ADGRE3: variants seen among roughly 807,000 people sequenced by gnomAD.
The protein encoded by ADGRE3 is adhesion G protein-coupled receptor E3, also known as EGF-like module receptor 3.
ADGRE3 carries 88 observed loss-of-function variants against 80.1 expected under a neutral mutation model. The ratio of observed to expected loss-of-function variants is 1.10; its 90% CI spans 0.93 to 1.31. The LOEUF (loss-of-function observed/expected upper bound fraction) is 1.31. Ranked by LOEUF, ADGRE3 falls within the 40% of genes most tolerant of loss-of-function variation. ADGRE3 has a pLI of 0.00. For missense variants in ADGRE3, 715 were observed against 776.5 expected (o/e 0.92, Z 0.94); for synonymous variants, 281 against 294.8 (o/e 0.95, Z 0.48).
intron 9 of ADGRE3, among the ~76,000 whole-genome samples, chr19:14,643,144 G>GTTTTTTTTTT (rs373306807): frequency 2.4e-5 from 3 of 124,066 alleles, no homozygotes; most frequent in African/African-American, 9.0e-5. Flanking sequence ...AGTAATCATG[G>GTTTTTTTTTT]TTTTTTTTTT....
chr19:14,601,645 G>A, the ADGRE3 span, among the ~76,000 whole-genome samples: 2 of 152,030 alleles, frequency 1.3e-5, no homozygotes, highest in African/African-American at 4.8e-5. Flanking sequence ...CAGGGACAAG[G>A]TCTCACTCTG....
At chr19:14,630,331 C>G in intron 13 of ADGRE3, 124 bp from the exon 14 acceptor site, 1 of 627,590 alleles carries the variant, frequency 1.6e-6, no homozygotes, top group Non-Finnish European at 2.4e-6. Context: ...TGGAAGCCAG[C>G]ACTGGCTACC....
Position 14,619,863 on chromosome 19 carries a change from C to A in ADGRE3, c.1921-392G>T, listed in dbSNP as rs1053072973. On this transcript the variant is annotated intron_variant, in intron 15 of 15. Coordinates refer to ENST00000253673, the MANE Select transcript of ADGRE3 (RefSeq NM_032571.5). ...CAACAAATGTTCTCTTTGCACCCCA[C>A]AACTTACAGCTTGGTTTAGCAGCCC... is the stretch of plus-strand genomic sequence containing the variant. Among the ~76,000 whole-genome samples the A allele has an allele frequency of 2.6e-5, 4 of 152,212 alleles. No individual in the cohort carries two copies. The South Asian group carries it at 8.3e-4, about 31-fold the overall frequency.
the ADGRE3 span, among the ~76,000 whole-genome samples, chr19:14,607,732 G>A: frequency 6.3e-4 from 95 of 151,230 alleles, 1 homozygote; most frequent in South Asian, 2.1e-4. Context: ...ACCCGCCGTC[G>A]TGCCTGGCTA....
the ADGRE3 span, among the ~76,000 whole-genome samples, chr19:14,604,030 C>A: frequency 6.6e-6 from 1 of 152,176 alleles, no homozygotes; most frequent in African/African-American, 2.4e-5. Flanking sequence ...CCTTTTGGGC[C>A]TGGAGGTCTT....
intron 6 of ADGRE3, among the ~76,000 whole-genome samples, chr19:14,654,761 C>T (rs1351076645): frequency 2.0e-5 from 3 of 152,072 alleles, no homozygotes; most frequent in Admixed American, 6.6e-5. Flanking sequence ...TTCCATCACC[C>T]CTAATAGTTT....
intron 10 of ADGRE3, among the ~76,000 whole-genome samples, chr19:14,639,092 G>GTGTT (rs1274184668): frequency 6.6e-6 from 1 of 151,960 alleles, no homozygotes; most frequent in African/African-American, 2.4e-5. Context: ...GGGTCTCACT[G>GTGTT]TGTTGCCCAG....
chr19:14,664,159 C>T (rs139214502), intron 2 of ADGRE3, among the ~76,000 whole-genome samples: 17 of 152,078 alleles, frequency 1.1e-4, no homozygotes, highest in East Asian at 3.9e-4. Flanking sequence ...AAAAATTAGC[C>T]GGGTGTGGTG....
At chr19:14,647,525 T>G (rs1228522725) in intron 7 of ADGRE3, among the ~76,000 whole-genome samples, 160 bp from the exon 8 acceptor site, 3 of 150,598 alleles carry the variant, frequency 2.0e-5, no homozygotes, top group African/African-American at 7.3e-5. Context: ...CAAGTGATTC[T>G]CCTGCCTCAG....
chr19:14,633,273 A>G lies in ADGRE3; in HGVS notation c.1514T>C (p.Met505Thr). 1 of 1,612,738 alleles carries G rather than the reference A, an allele frequency of 6.2e-7. No homozygotes were observed. Among genetic ancestry groups the G allele is most frequent in the Non-Finnish European group, 8.5e-7 (1 of 1,179,282 alleles). Residue 505 changes from methionine (M) to threonine (T), a missense_variant, in exon 12 of 16, where the codon ATG becomes ACG. Met to Thr is a moderately conservative substitution (Grantham distance 81). Coordinates refer to ENST00000253673, the MANE Select transcript of ADGRE3 (RefSeq NM_032571.5). ...ACAGACTGGGCCAAGGAAACTCCAC[A>G]TGAATCCCTGGTCCAGGTGGAGCCA... ...RCWLHLDQGF[M>T]WSFLGPVCAI...
chr19:14,666,461 C>T (rs1027934216), intron 2 of ADGRE3, among the ~76,000 whole-genome samples: 1 of 151,946 alleles, frequency 6.6e-6, no homozygotes, highest in Non-Finnish European at 1.5e-5. Context: ...ACTGCAGCCT[C>T]CACCTCCTGG....
rs1793362353 is a variant in ADGRE3 at position 14,658,539 on chromosome 19, A to T, written c.367T>A (p.Ser123Thr). ...NENTCQDTTSSKTTEGRKELQ... is the reference protein window; with the variant it reads ...NENTCQDTTSTKTTEGRKELQ... ...TCTTTCCTGCCCTCGGTTGTCTTTG[A>T]GGAGGTGGTGTCTGCAAAAGACATC... Residue 123 changes from serine to threonine, a missense_variant, in exon 5 of 16, where the codon TCA (serine) becomes ACA (threonine). Coordinates refer to ENST00000253673, the MANE Select transcript of ADGRE3 (RefSeq NM_032571.5). 1 of 1,566,202 alleles carries T rather than the reference A, an allele frequency of 6.4e-7. No individual in the cohort carries two copies. The highest frequency in any genetic ancestry group is 1.8e-5 in the Admixed American group (1 of 55,294).
In ADGRE3 at chr19:14,641,444, A is replaced by C. The variant is rs1568484666; in HGVS notation, c.1223T>G (p.Val408Gly). Residue 408 changes from valine to glycine, a missense_variant, in exon 10 of 16, where the codon GTG becomes GGG. By Grantham distance (109) the Val-to-Gly change is moderately radical. Coordinates refer to ENST00000253673, the MANE Select transcript of ADGRE3 (RefSeq NM_032571.5). ...CLFLAHLLFL[V>G]GIDRTEPKVL... is the part of the protein sequence containing the mutation. Reference sequence around the variant, plus strand: ...CTTGGGTTCAGTTCGATCAATCCCCACGAGGAAGAGGAGGTGGGCCAGGAA... The same window carrying C: ...CTTGGGTTCAGTTCGATCAATCCCCCCGAGGAAGAGGAGGTGGGCCAGGAA... 6.2e-7 allele frequency: 1 copy of C among 1,614,124 alleles called. No individual in the cohort carries two copies. The highest frequency in any genetic ancestry group is 1.1e-5 in the South Asian group (1 of 91,068).
At chr19:14,624,313 C>T (rs564697208) in intron 15 of ADGRE3, among the ~76,000 whole-genome samples, 8 of 152,170 alleles carry the variant, frequency 5.3e-5, no homozygotes, top group South Asian at 4.1e-4. Context: ...AGGCTGGTCT[C>T]GAACTCCCAA....
chr19:14,652,433 T>C (rs1404291125), intron 6 of ADGRE3, among the ~76,000 whole-genome samples: 1 of 151,438 alleles, frequency 6.6e-6, no homozygotes, highest in Non-Finnish European at 1.5e-5. Flanking sequence ...TTTGTGCATA[T>C]TAAAAGGTTA....
chr19:14,647,573 T>G (rs898354443), intron 7 of ADGRE3, among the ~76,000 whole-genome samples: 1 of 151,592 alleles, frequency 6.6e-6, no homozygotes, highest in Admixed American at 6.6e-5. Flanking sequence ...CTCACCACCA[T>G]GCCTGGCTAA....
At chr19:14,668,884 A>G (rs773843513) in intron 1 of ADGRE3, 32 bp from the exon 2 acceptor site, 4 of 1,603,852 alleles carry the variant, frequency 2.5e-6, no homozygotes, top group Non-Finnish European at 3.4e-6. Context: ...AGGGAGAGAC[A>G]TGAAACAATT....
chr19:14,657,042 T>A (rs549170393), intron 5 of ADGRE3, among the ~76,000 whole-genome samples: 1 of 152,070 alleles, frequency 6.6e-6, no homozygotes, highest in East Asian at 1.9e-4. Context: ...ATTACAGGCA[T>A]GCGCCCCCAT....
intron 8 of ADGRE3, among the ~76,000 whole-genome samples, chr19:14,644,577 C>T (rs1971349007): frequency 6.6e-6 from 1 of 151,992 alleles, no homozygotes; most frequent in Non-Finnish European, 1.5e-5. Context: ...GCCTTTGCCT[C>T]CCAAAGTGCT....
Sources: allele counts gnomAD v4.1 joint callset (sites outside exome capture counted in the v4.1 genomes callset), GRCh38; gene constraint gnomAD v4.1.1; transcripts MANE v1.5; gene names NCBI Gene and HGNC (gene_info 2026-07-23, HGNC 2026-07-21).